The following MAPDA variants were observed in gnomAD, a reference collection of about 807,000 sequenced individuals.
The protein encoded by MAPDA is N6,N6-dimethyl-AMP deaminase.
the MAPDA span, among the ~76,000 whole-genome samples, chr15:43,346,202 C>G: frequency 6.6e-6 from 1 of 152,138 alleles, no homozygotes; most frequent in Non-Finnish European, 1.5e-5. Context: ...AAAAGAGTTG[C>G]CTGACTATAT....
chr15:43,341,664 C>CT, the MAPDA span, among the ~76,000 whole-genome samples: 1 of 53,548 alleles, frequency 1.9e-5, no homozygotes, highest in South Asian at 7.1e-4. Context: ...CATCATAAGA[C>CT]CCCCCCCACC....
the MAPDA span, among the ~76,000 whole-genome samples, chr15:43,346,169 A>G: frequency 6.6e-6 from 1 of 152,178 alleles, no homozygotes; most frequent in Non-Finnish European, 1.5e-5. Context: ...TCTGTGAAAC[A>G]ATTAAGTACC....
At chr15:43,351,559 C>T in the MAPDA span, 1 of 569,318 alleles carries the variant, frequency 1.8e-6, no homozygotes, top group Non-Finnish European at 3.0e-6. Context: ...AGTTGAAACA[C>T]TGCTCTGGTA....
the MAPDA span, chr15:43,345,962 C>G: frequency 1.2e-6 from 2 of 1,613,974 alleles, no homozygotes; most frequent in African/African-American, 2.7e-5. Context: ...TTGGCCTTGA[C>G]CTCAGTGGAG....
At chr15:43,346,214 A>G in the MAPDA span, among the ~76,000 whole-genome samples, 15 of 152,262 alleles carry the variant, frequency 9.9e-5, no homozygotes, top group African/African-American at 2.9e-4. Context: ...TGACTATATG[A>G]CTATTTTCTC....
chr15:43,335,628 T>G, the MAPDA span: 2 of 1,486,492 alleles, frequency 1.3e-6, no homozygotes, highest in Non-Finnish European at 1.8e-6. Context: ...ACTACCAACA[T>G]TAAGTACTTG....
the MAPDA span, among the ~76,000 whole-genome samples, chr15:43,331,549 G>A: frequency 1.6e-4 from 24 of 152,342 alleles, no homozygotes; most frequent in Non-Finnish European, 3.4e-4. Context: ...GTGAGTTTTG[G>A]AGTCCAGCAG....
chr15:43,347,582 T>G, the MAPDA span, among the ~76,000 whole-genome samples: 1 of 152,210 alleles, frequency 6.6e-6, no homozygotes, highest in African/African-American at 2.4e-5. Context: ...AACAGATAAT[T>G]GCTGGGAAGT....
the MAPDA span, chr15:43,349,104 G>T: frequency 2.5e-6 from 4 of 1,611,522 alleles, no homozygotes; most frequent in Non-Finnish European, 3.4e-6. Context: ...CAATCCCCAG[G>T]TTGCCTGGGG....
the MAPDA span, chr15:43,351,378 G>T: frequency 1.2e-5 from 4 of 324,310 alleles, no homozygotes; most frequent in African/African-American, 2.2e-5. Flanking sequence ...AGAGGGCCAG[G>T]GTGACTCTGG....
the MAPDA span, among the ~76,000 whole-genome samples, chr15:43,337,537 C>T: frequency 1.3e-5 from 2 of 152,132 alleles, no homozygotes; most frequent in African/African-American, 4.8e-5. Context: ...TCTTCTGTAT[C>T]ATTGATCTGA....
At chr15:43,342,381 T>C in the MAPDA span, among the ~76,000 whole-genome samples, 1 of 148,964 alleles carries the variant, frequency 6.7e-6, no homozygotes, top group African/African-American at 2.5e-5. Context: ...CCGAGCAGGA[T>C]TGAGGGGAAA....
the MAPDA span, among the ~76,000 whole-genome samples, chr15:43,337,727 A>G: frequency 1.3e-5 from 2 of 152,234 alleles, no homozygotes; most frequent in Admixed American, 6.5e-5. Context: ...GATAAGTGGT[A>G]AGTAAATTAA....
At chr15:43,351,612 CATAG>C in the MAPDA span, 1 of 707,662 alleles carries the variant, frequency 1.4e-6, no homozygotes, top group African/African-American at 1.8e-5. Flanking sequence ...TACAGCTATG[CATAG>C]ATAAATTTGT....
chr15:43,341,223 A>G, the MAPDA span, among the ~76,000 whole-genome samples: 3 of 152,222 alleles, frequency 2.0e-5, no homozygotes, highest in South Asian at 2.1e-4. Context: ...ATTGTAAAGT[A>G]TAAGTGTTTA....
At chr15:43,343,837 T>G in the MAPDA span, among the ~76,000 whole-genome samples, 1 of 151,590 alleles carries the variant, frequency 6.6e-6, no homozygotes, top group Admixed American at 6.6e-5. Flanking sequence ...CTGTATAGTT[T>G]CAGGCTATAA....
chr15:43,342,805 C>T, the MAPDA span, among the ~76,000 whole-genome samples: 3 of 151,928 alleles, frequency 2.0e-5, no homozygotes, highest in African/African-American at 4.8e-5. Flanking sequence ...TTCATTTCCC[C>T]CTAATTTTAT....
chr15:43,349,276 C>T, the MAPDA span: 1 of 1,243,968 alleles, frequency 8.0e-7, no homozygotes, highest in South Asian at 3.5e-5. Context: ...TTGTTACATT[C>T]TCCAATGCTT....
At chr15:43,332,771 G>A in the MAPDA span, among the ~76,000 whole-genome samples, 23 of 152,208 alleles carry the variant, frequency 1.5e-4, no homozygotes, top group South Asian at 4.8e-3. Flanking sequence ...GGGGGAGTAG[G>A]TGGGAGCATG....
Sources: gnomAD v4.1 joint callset for allele counts (sites outside exome capture counted in the v4.1 genomes callset) on GRCh38, gnomAD v4.1.1 for gene constraint, MANE v1.5 for transcripts, NCBI Gene and HGNC (gene_info 2026-07-23, HGNC 2026-07-21) for gene names.